Variants in ZEB2 observed in about 807,000 individuals in gnomAD.
ZEB2 encodes the protein zinc finger E-box-binding homeobox 2.
In ZEB2, 6 loss-of-function variants were observed where a neutral mutation model predicts 99.9. The ratio of observed to expected loss-of-function variants is 0.06; its 90% CI spans 0.03 to 0.12. ZEB2 has a LOEUF of 0.12. Among genes scored for constraint, ZEB2 ranks in the 10% least tolerant of loss-of-function variants. ZEB2 has a pLI of 1.00. For missense variants in ZEB2, 969 were observed against 1,502.8 expected (o/e 0.64, Z 5.87); for synonymous variants, 517 against 542.5 (o/e 0.95, Z 0.65).
intron 2 of ZEB2, among the ~76,000 whole-genome samples, chr2:144,442,577 C>T (rs1368136466): frequency 6.6e-6 from 1 of 152,014 alleles, no homozygotes; most frequent in African/African-American, 2.4e-5. Context: ...TACAGGAACA[C>T]CTAATTTACT....
chr2:144,496,103 G>A (rs143667452), intron 2 of ZEB2: 1 of 152,382 alleles, frequency 6.6e-6, no homozygotes, highest in East Asian at 1.9e-4. Flanking sequence ...GCAGCTTTAG[G>A]ACTTGCCATG....
rs557437938 is a variant in ZEB2, at chr2:144,415,581, G to A, written c.403+9215C>T. 3.9e-5 allele frequency among the ~76,000 whole-genome samples: 6 copies of A among 152,198 alleles called. No homozygotes were observed. In the East Asian group the frequency reaches 1.2e-3, roughly 29 times the overall value. On this transcript the variant is annotated intron_variant, in intron 4 of 9. Coordinates refer to ENST00000627532, the MANE Select transcript of ZEB2 (RefSeq NM_014795.4). ...AGACCTTTTCCACAGGGCCATTCCT[G>A]CTTTCATTTGTTATGACTCACAGAA...
chr2:144,493,589 T>C (rs1160412654), intron 2 of ZEB2, among the ~76,000 whole-genome samples: 1 of 152,090 alleles, frequency 6.6e-6, no homozygotes, highest in Non-Finnish European at 1.5e-5. Flanking sequence ...TACAAGTGAA[T>C]AGATCTAGAG....
In ZEB2 at chr2:144,399,720, A is replaced by G; in HGVS notation, c.1467T>C (p.Tyr489=). ...KAEEISKLKG[Y]HMKDPCSQPE... Reference sequence around the variant, plus strand: ...GTTGAGAGCATGGATCCTTCATGTGATAACCTTTCAACTTTGAAATTTCTT... The same window carrying G: ...GTTGAGAGCATGGATCCTTCATGTGGTAACCTTTCAACTTTGAAATTTCTT... The change falls in exon 8 of 10, where the codon TAT becomes TAC. Residue 489 remains tyrosine (Y), a synonymous_variant. Coordinates refer to ENST00000627532, the MANE Select transcript of ZEB2 (RefSeq NM_014795.4). This position sits in a 1 kb window ranked among gnomAD's most constrained non-coding sequence, Gnocchi z 5.6. 1 of 1,614,096 alleles carries G rather than the reference A, an allele frequency of 6.2e-7. No homozygotes were observed. Among genetic ancestry groups the G allele is most frequent in the Non-Finnish European group, 8.5e-7 (1 of 1,179,966 alleles).
chr2:144,420,391 G>A (rs112709087), intron 4 of ZEB2, among the ~76,000 whole-genome samples: 65 of 152,078 alleles, frequency 4.3e-4, no homozygotes, highest in African/African-American at 1.5e-3. Context: ...ACCACAACTG[G>A]CTTCATTATT....
intron 5 of ZEB2, 86 bp from the exon 6 acceptor site, chr2:144,404,216 T>C: frequency 6.9e-7 from 1 of 1,450,134 alleles, no homozygotes; most frequent in Non-Finnish European, 9.5e-7. Flanking sequence ...CCCGGGATGG[T>C]ATGACAGGAA....
intron 2 of ZEB2, among the ~76,000 whole-genome samples, chr2:144,439,292 C>T (rs2149894940): frequency 6.6e-6 from 1 of 152,222 alleles, no homozygotes; most frequent in South Asian, 2.1e-4. Flanking sequence ...GCCAAAAAAG[C>T]ACAAGGCACA....
At chr2:144,500,983 C>T (rs903392738) in intron 2 of ZEB2, among the ~76,000 whole-genome samples, 1 of 149,686 alleles carries the variant, frequency 6.7e-6, no homozygotes, top group Non-Finnish European at 1.5e-5. Context: ...CTTGCAGATA[C>T]AGATCATTAA....
chr2:144,395,167 T>TAA (rs1703206730), intron 9 of ZEB2, among the ~76,000 whole-genome samples: 1 of 152,058 alleles, frequency 6.6e-6, no homozygotes, highest in African/African-American at 2.4e-5. Flanking sequence ...AGCTAATTTT[T>TAA]AAAAAATATT....
At chr2:144,456,382 A>G (rs1006952408) in intron 2 of ZEB2, among the ~76,000 whole-genome samples, 1 of 152,188 alleles carries the variant, frequency 6.6e-6, no homozygotes, top group African/African-American at 2.4e-5. Context: ...GATGATAAGT[A>G]TGTGGGCTTT....
chr2:144,438,135 GAAAAA>G (rs896562424), intron 2 of ZEB2, among the ~76,000 whole-genome samples: 1 of 152,130 alleles, frequency 6.6e-6, no homozygotes, highest in African/African-American at 2.4e-5. Context: ...ATGCTTCCAT[GAAAAA>G]GGAGACTGGA....
At chr2:144,482,975 C>T (rs1165109461) in intron 2 of ZEB2, among the ~76,000 whole-genome samples, 1 of 152,034 alleles carries the variant, frequency 6.6e-6, no homozygotes, top group Admixed American at 6.6e-5. Flanking sequence ...TAATAAAAAT[C>T]CAGCATTCAC....
rs1253070701 is a variant in ZEB2 at position 144,488,127 on chromosome 2, G to C, written c.73+29151C>G. On this transcript the variant is annotated intron_variant, in intron 2 of 9. Coordinates refer to ENST00000627532, the MANE Select transcript of ZEB2 (RefSeq NM_014795.4). The stretch of plus-strand genomic sequence containing the variant: ...GAGGCCCACCCAGCTTCATATATCT[G>C]TGTCCACAGCATACCAATCAATGCT... Among the ~76,000 whole-genome samples, 3 of 152,254 alleles carry C rather than the reference G, an allele frequency of 2.0e-5. No individual in the cohort carries two copies. The East Asian group carries it at 5.8e-4, about 29-fold the overall frequency.
intron 2 of ZEB2, among the ~76,000 whole-genome samples, chr2:144,453,469 T>A (rs1704081158): frequency 6.6e-6 from 1 of 152,294 alleles, no homozygotes; most frequent in South Asian, 2.1e-4. Flanking sequence ...GATTTCAGAG[T>A]CAGAAAGTTT....
intron 2 of ZEB2, among the ~76,000 whole-genome samples, chr2:144,508,658 A>C (rs1704984887): frequency 1.3e-5 from 2 of 152,044 alleles, no homozygotes; most frequent in African/African-American, 2.4e-5. Flanking sequence ...GGTAACGGCC[A>C]GCCTGAGGCC....
intron 9 of ZEB2, among the ~76,000 whole-genome samples, chr2:144,395,964 AG>A (rs1197426021): frequency 1.3e-4 from 19 of 151,592 alleles, no homozygotes; most frequent in Non-Finnish European, 2.7e-4. Context: ...TAAAAAAAAA[AG>A]GCAAACAAAA....
chr2:144,443,762 G>T (rs186863908), intron 2 of ZEB2, among the ~76,000 whole-genome samples: 1 of 152,126 alleles, frequency 6.6e-6, no homozygotes, highest in East Asian at 1.9e-4. Context: ...CACCAAAACT[G>T]TCAGGCTGCC....
chr2:144,517,109 AGCCGCCGCGCGCGCCGGGCTCCGGC>A (rs1169607157), intron 2 of ZEB2, among the ~76,000 whole-genome samples, 144 bp downstream of exon 2: 9 of 149,750 alleles, frequency 6.0e-5, no homozygotes, highest in African/African-American at 2.2e-4. Flanking sequence ...CCCCCGGTCC[AGCCGCCGCGCGCGCCGGGCTCCGGC>A]GCCGGCCGCG....
intron 2 of ZEB2, chr2:144,463,853 CAA>C (rs912366406): frequency 2.1e-5 from 3 of 144,410 alleles, no homozygotes; most frequent in Non-Finnish European, 3.1e-5. Flanking sequence ...AAACAAAAAA[CAA>C]AAAACAAAAA....
Sources: allele counts gnomAD v4.1 joint callset (sites outside exome capture counted in the v4.1 genomes callset), GRCh38; gene constraint gnomAD v4.1.1; non-coding constraint Gnocchi (gnomAD v3.1); transcripts MANE v1.5; gene names NCBI Gene and HGNC (gene_info 2026-07-23, HGNC 2026-07-21).